The following YIPF2 variants were observed in gnomAD, a reference collection of about 807,000 sequenced individuals.
YIPF2 encodes the protein protein YIPF2.
In YIPF2, 30 loss-of-function variants were observed where a neutral mutation model predicts 38.8. The observed-to-expected ratio is 0.77, with a 90% CI of 0.58 to 1.05. The LOEUF (loss-of-function observed/expected upper bound fraction) is 1.05, where lower values mean the gene tolerates loss of function less well. Among genes scored for constraint, YIPF2 ranks in the 50% least tolerant of loss-of-function variants. The pLI, the probability that YIPF2 is intolerant of heterozygous loss-of-function variation, is 0.00. For missense variants in YIPF2, 401 were observed against 409.7 expected (o/e 0.98, Z 0.18); for synonymous variants, 194 against 183.8 (o/e 1.06, Z -0.45).
In YIPF2 at chr19:10,927,899, C is replaced by T. The variant is rs1235502405; in HGVS notation, c.92G>A (p.Ser31Asn). The T allele has an allele frequency of 6.2e-7, 1 of 1,612,428 alleles. No homozygotes were observed. Among genetic ancestry groups the T allele is most frequent in the South Asian group, 1.1e-5 (1 of 91,078 alleles). The stretch of plus-strand genomic sequence containing the variant: ...GTGCCCTTGTGGGGTCAGCTGATCG[C>T]TTCTGCTGGTGGTGGCTGCATCTGG... Reference protein sequence around the residue: ...DTPDAATTSRSDQLTPQGHVA... With the variant: ...DTPDAATTSRNDQLTPQGHVA... The change falls in exon 3 of 10, where the codon AGC becomes AAC. Residue 31 changes from serine (S) to asparagine (N), a missense_variant. Ser to Asn is a conservative substitution (Grantham distance 46). Coordinates refer to ENST00000586748, the MANE Select transcript of YIPF2 (RefSeq NM_001321439.2).
Position 10,928,415 on chromosome 19 carries a change from G to C in YIPF2, c.-5C>G. On this transcript the variant is annotated 5_prime_UTR_variant, in exon 2 of 10. Transcript: ENST00000586748. ...CAGCTCGTCGGCCGATGCCATGGTC[G>C]TTCAGGGGCGTCTCCGCATCCCTCG... The C allele has an allele frequency of 7.5e-7, 1 of 1,336,290 alleles. No individual in the cohort carries two copies. Among genetic ancestry groups the C allele is most frequent in the Non-Finnish European group, 9.6e-7 (1 of 1,039,332 alleles). The allele number at this position is 1,336,290 out of a possible 1,614,324, so 82.8% of individuals were successfully genotyped here.
At position 10,928,570 on chromosome 19, in the gene YIPF2, T is replaced by C; in HGVS notation, c.-90A>G. 1.9e-6 allele frequency: 2 copies of C among 1,071,456 alleles called. No individual in the cohort carries two copies. The highest frequency in any genetic ancestry group is 1.3e-6 in the Non-Finnish European group (1 of 796,334). 66.4% of individuals were successfully genotyped at this position (1,071,456 alleles called of 1,614,324 possible). On this transcript the variant is annotated 5_prime_UTR_variant, in exon 1 of 10. Coordinates refer to ENST00000586748, the MANE Select transcript of YIPF2 (RefSeq NM_001321439.2). ...CGTCGTCCCGTCCCCACAGGTGCGC[T>C]CCGCCCCCCCTCACCTGAGGCCACC... is the stretch of plus-strand genomic sequence containing the variant.
chr19:10,924,542 T>G (rs1242146945), intron 5 of YIPF2, among the ~76,000 whole-genome samples: 4 of 152,036 alleles, frequency 2.6e-5, no homozygotes, highest in African/African-American at 7.3e-5. Context: ...TATGACCTCC[T>G]TCAAGCCCAG....
At chr19:10,928,357 G>C in intron 2 of YIPF2, 23 bp downstream of exon 2, 3 of 1,322,170 alleles carry the variant, frequency 2.3e-6, no homozygotes, top group Non-Finnish European at 2.9e-6. Context: ...TGGGAGATCC[G>C]GCCACGTCGG....
Position 10,923,283 on chromosome 19 carries a change from G to C in YIPF2, c.*8C>G. The C allele has an allele frequency of 1.9e-6, 3 of 1,604,644 alleles. No individual in the cohort carries two copies. The highest frequency in any genetic ancestry group is 2.2e-5 in the East Asian group (1 of 44,848). On this transcript the variant is annotated 3_prime_UTR_variant, in exon 9 of 10. Transcript: ENST00000586748. ...GGAATAGTCCTTACCTGTGGGACCC[G>C]GGCCTTCCTAGGAGGGGGCCAGGGA...
At chr19:10,928,324 G>T in intron 2 of YIPF2, 56 bp downstream of exon 2, 6 of 1,335,778 alleles carry the variant, frequency 4.5e-6, no homozygotes, top group South Asian at 4.6e-5. Flanking sequence ...GTATCGGGGG[G>T]AGGTTCTGGC....
In YIPF2 at chr19:10,928,459, C is replaced by T; in HGVS notation, c.-30-19G>A. On this transcript the variant is annotated intron_variant, in intron 1 of 9. Coordinates refer to ENST00000586748, the MANE Select transcript of YIPF2 (RefSeq NM_001321439.2). ...TCCCTCGCTGAGGACAGAGACCGGT[C>T]AGGCACACTTCCCCCCCGCCCCCGA... 7.3e-7 allele frequency: 1 copy of T among 1,362,540 alleles called. No individual in the cohort carries two copies. The highest frequency in any genetic ancestry group is 9.5e-7 in the Non-Finnish European group (1 of 1,056,094). The allele number at this position is 1,362,540 out of a possible 1,614,324, so 84.4% of individuals were successfully genotyped here.
intron 4 of YIPF2, among the ~76,000 whole-genome samples, chr19:10,926,861 T>A (rs979439872): frequency 2.0e-5 from 3 of 151,038 alleles, no homozygotes; most frequent in South Asian, 4.6e-4. Context: ...TATTTAATTT[T>A]ATTTTATTTA....
At position 10,922,203 on chromosome 19, in the gene YIPF2, AATTTT is replaced by A. The variant is rs2074264672; in HGVS notation, c.*986_*990del. On this transcript the variant is annotated 3_prime_UTR_variant, in exon 10 of 10. Coordinates refer to ENST00000586748, the MANE Select transcript of YIPF2 (RefSeq NM_001321439.2). The stretch of plus-strand genomic sequence containing the variant: ...ACGGACGTGACATGCTGCTTTTTTT[AATTTT>A]ATTTTTTTATGAAAAGAACCAGTGT... 1 of 153,972 alleles carries A rather than the reference AATTTT, an allele frequency of 6.5e-6. No homozygotes were observed. Among genetic ancestry groups the A allele is most frequent in the African/African-American group, 2.4e-5 (1 of 41,390 alleles). 9.5% of individuals were successfully genotyped at this position (153,972 alleles called of 1,614,324 possible). A position where few individuals can be genotyped will look rare whatever the true frequency, so the allele number is the denominator to read the frequency against.
In YIPF2 at chr19:10,923,626, C is replaced by T; in HGVS notation, c.703G>A (p.Ala235Thr). ...AGCCCGGCGGCTGACAGGCCCAGGG[C>T]CAGCGCCCCAAAGAGCCACTGCAGC... The part of the protein sequence containing the change: ...PWLQWLFGAL[A>T]LGLSAAGLVF... Residue 235 changes from alanine to threonine, a missense_variant, in exon 8 of 10, where the codon GCC becomes ACC. Transcript: ENST00000586748. The T allele has an allele frequency of 6.2e-7, 1 of 1,612,752 alleles. No individual in the cohort carries two copies. Among genetic ancestry groups the T allele is most frequent in the South Asian group, 1.1e-5 (1 of 91,028 alleles).
rs1455208697 is a variant in YIPF2 at position 10,924,151 on chromosome 19, C to T, written c.409G>A (p.Val137Ile). ...AGCACCAGCGTCAGGTTGCCAGTGACGGCCAGGACAAAGGCCAACGTGGCA... is the reference window on the plus strand; with the variant it reads ...AGCACCAGCGTCAGGTTGCCAGTGATGGCCAGGACAAAGGCCAACGTGGCA... ...ICATLAFVLA[V>I]TGNLTLVLAQ... The change falls in exon 6 of 10, where the codon GTC becomes ATC. Residue 137 changes from valine to isoleucine, a missense_variant. Val to Ile is a conservative substitution (Grantham distance 29). Transcript: ENST00000586748. The T allele has an allele frequency of 1.5e-5, 25 of 1,613,368 alleles. No individual in the cohort carries two copies. Among genetic ancestry groups the T allele is most frequent in the Middle Eastern group, 3.3e-4 (2 of 6,084 alleles).
intron 5 of YIPF2, among the ~76,000 whole-genome samples, chr19:10,924,523 C>G (rs1443950323): frequency 6.6e-6 from 1 of 152,100 alleles, no homozygotes; most frequent in African/African-American, 2.4e-5. Context: ...TGTCTGCGTT[C>G]ACCCATAGTA....
intron 4 of YIPF2, 141 bp downstream of exon 4, chr19:10,927,489 T>C: frequency 9.0e-7 from 1 of 1,109,652 alleles, no homozygotes. Flanking sequence ...TCCCGATCCA[T>C]AACCAGTCCC....
Sources: allele counts gnomAD v4.1 joint callset (sites outside exome capture counted in the v4.1 genomes callset), GRCh38; gene constraint gnomAD v4.1.1; transcripts MANE v1.5; gene names NCBI Gene and HGNC (gene_info 2026-07-23, HGNC 2026-07-21).